Variants in ADAMTS19 observed in about 807,000 individuals in gnomAD.
ADAMTS19 encodes the protein ADAM metallopeptidase with thrombospondin type 1 motif 19, also known as A disintegrin and metalloproteinase with thrombospondin motifs 19.
Under a neutral mutation model 153.3 loss-of-function variants are expected in ADAMTS19, and 93 were observed. That is an observed-to-expected ratio of 0.61 (90% CI 0.51 to 0.72). The LOEUF is 0.72. ADAMTS19 is among the 30% of genes least tolerant of loss of function. ADAMTS19 has a pLI of 0.00. For missense variants in ADAMTS19, 1,482 were observed against 1,552.1 expected, an observed-to-expected ratio of 0.95 and a Z score of 0.76; for synonymous variants, 600 against 556.6, an observed-to-expected ratio of 1.08 and a Z score of -1.10.
In ADAMTS19 at chr5:129,461,860, C is replaced by T. The variant is rs1177217408; in HGVS notation, c.747+103C>T. The T allele has an allele frequency of 1.6e-5, 23 of 1,426,844 alleles. No homozygotes were observed. Among genetic ancestry groups the T allele is most frequent in the Non-Finnish European group, 2.1e-5 (23 of 1,096,626 alleles). The allele number at this position is 1,426,844 out of a possible 1,614,324, so 88.4% of individuals were successfully genotyped here. A position where few individuals can be genotyped will look rare whatever the true frequency, so the allele number is the denominator to read the frequency against. On this transcript the variant is annotated intron_variant, in intron 2 of 22. Coordinates refer to ENST00000274487, the MANE Select transcript of ADAMTS19 (RefSeq NM_133638.6). The surrounding 1 kb of genome is among the most constrained non-coding windows in gnomAD (Gnocchi z 4.6). The stretch of plus-strand genomic sequence containing the variant: ...GCACCTTCTCCCCTTTCAGTGTGCT[C>T]CTTTTGAGCTTGGCCCTAGACTGCA...
rs776020599 is a variant in ADAMTS19 at position 129,737,180 on chromosome 5, A to G, written c.3604A>G (p.Arg1202Gly). ...RWYQRCCETC[R>G]DFYAQKLQQK... ...GTATCAGCGCTGCTGTGAAACATGCAGGGACTTCTATGCCCAAAAGCTGCA... is the reference window on the plus strand; with the variant it reads ...GTATCAGCGCTGCTGTGAAACATGCGGGGACTTCTATGCCCAAAAGCTGCA... Residue 1202 changes from arginine to glycine, a missense_variant, in exon 23 of 23, where the codon AGG (arginine) becomes GGG (glycine). Arg to Gly is a moderately radical substitution (Grantham distance 125). Transcript: ENST00000274487. 1.2e-6 allele frequency: 2 copies of G among 1,609,226 alleles called. No homozygotes were observed. The highest frequency in any genetic ancestry group is 1.7e-6 in the Non-Finnish European group (2 of 1,176,890).
intron 16 of ADAMTS19, among the ~76,000 whole-genome samples, chr5:129,667,704 A>G (rs1394636448): frequency 6.6e-6 from 1 of 152,120 alleles, no homozygotes; most frequent in Non-Finnish European, 1.5e-5. Flanking sequence ...AGCCAAGCAG[A>G]TGGCAGCACC....
chr5:129,565,261 C>T lies in ADAMTS19; in HGVS notation c.1372+13354C>T, dbSNP rs376563314. ...GCTGATTCTATACCATTTCTCTTAA[C>T]TTTGTTTTCATTTAATCCAGATGGC... On this transcript the variant is annotated intron_variant, in intron 7 of 22. Transcript: ENST00000274487. 4.6e-5 allele frequency among the ~76,000 whole-genome samples: 7 copies of T among 152,246 alleles called. No individual in the cohort carries two copies. In the East Asian group the frequency reaches 5.8e-4, roughly 13 times the overall value.
chr5:129,468,499 G>A (rs1433772110), intron 2 of ADAMTS19, among the ~76,000 whole-genome samples: 7 of 151,908 alleles, frequency 4.6e-5, no homozygotes, highest in Admixed American at 6.6e-5. Flanking sequence ...GACTACAGGC[G>A]CGCACCACCA....
At chr5:129,716,041 GA>G (rs112535601) in intron 21 of ADAMTS19, among the ~76,000 whole-genome samples, 36 of 147,548 alleles carry the variant, frequency 2.4e-4, no homozygotes, top group East Asian at 1.2e-3. Context: ...ATGAGAAACA[GA>G]AAAAAAAAAG....
At chr5:129,718,020 A>C (rs1439242035) in intron 21 of ADAMTS19, among the ~76,000 whole-genome samples, 1 of 152,208 alleles carries the variant, frequency 6.6e-6, no homozygotes, top group Non-Finnish European at 1.5e-5. Flanking sequence ...AATAAAATAG[A>C]AATGTCTTGA....
At chr5:129,684,344 C>T (rs1320169098) in intron 18 of ADAMTS19, 71 bp downstream of exon 18, 12 of 1,536,726 alleles carry the variant, frequency 7.8e-6, no homozygotes, top group Admixed American at 2.1e-5. Context: ...ATAATTAAGA[C>T]ATATCCAAAA....
intron 8 of ADAMTS19, among the ~76,000 whole-genome samples, chr5:129,608,537 A>G (rs962169812): frequency 5.9e-5 from 9 of 152,060 alleles, no homozygotes; most frequent in African/African-American, 1.9e-4. Context: ...TAAATTTGGC[A>G]CTCATTTGCA....
chr5:129,512,396 C>G (rs563591573), intron 3 of ADAMTS19, among the ~76,000 whole-genome samples: 6 of 152,000 alleles, frequency 3.9e-5, no homozygotes, highest in African/African-American at 1.4e-4. Context: ...TGGAAGTGTA[C>G]GGTATCAACT....
chr5:129,725,178 T>TA (rs533114139), intron 21 of ADAMTS19, among the ~76,000 whole-genome samples: 2 of 152,158 alleles, frequency 1.3e-5, no homozygotes, highest in African/African-American at 4.8e-5. Context: ...AAAAATGTAT[T>TA]AAAAAACTTT....
chr5:129,720,734 T>C (rs1327717760), intron 21 of ADAMTS19, among the ~76,000 whole-genome samples: 2 of 152,074 alleles, frequency 1.3e-5, no homozygotes, highest in Non-Finnish European at 2.9e-5. Flanking sequence ...AAAGAATGAG[T>C]GTCTGCTCTC....
intron 6 of ADAMTS19, among the ~76,000 whole-genome samples, chr5:129,542,257 A>G (rs1367050455): frequency 6.6e-6 from 1 of 152,166 alleles, no homozygotes; most frequent in Admixed American, 6.6e-5. Flanking sequence ...TTACTATATT[A>G]TCTCTTTTCC....
chr5:129,554,428 T>C (rs957381511), intron 7 of ADAMTS19, among the ~76,000 whole-genome samples: 16 of 152,124 alleles, frequency 1.1e-4, no homozygotes, highest in African/African-American at 3.9e-4. Flanking sequence ...TTGAGACATA[T>C]GATCTATTCC....
intron 7 of ADAMTS19, 35 bp downstream of exon 7, chr5:129,551,942 G>A (rs1246184464): frequency 6.8e-7 from 1 of 1,460,012 alleles, no homozygotes; most frequent in Non-Finnish European, 9.3e-7. Flanking sequence ...TTGGAGTTCT[G>A]GAGAACTTGA....
chr5:129,552,007 A>C (rs1581075976), intron 7 of ADAMTS19, 100 bp downstream of exon 7: 1 of 727,358 alleles, frequency 1.4e-6, no homozygotes, highest in Non-Finnish European at 2.2e-6. Context: ...ATAAAGGAAT[A>C]ACTTCAAAAT....
rs980147496 is a variant in ADAMTS19, at chr5:129,666,829, A to G, written c.2506+1250A>G. Among the ~76,000 whole-genome samples, 4 of 152,182 alleles carry G rather than the reference A, an allele frequency of 2.6e-5. No individual in the cohort carries two copies. In the South Asian group the frequency reaches 8.3e-4, roughly 31 times the overall value. The stretch of plus-strand genomic sequence containing the variant: ...TCAATACATTCATTCAATAGCAGAC[A>G]AGTTGTTATTACACTTGCATGTATG... On this transcript the variant is annotated intron_variant, in intron 16 of 22. Transcript: ENST00000274487.
At chr5:129,601,369 A>T (rs1314564267) in intron 8 of ADAMTS19, among the ~76,000 whole-genome samples, 1 of 152,060 alleles carries the variant, frequency 6.6e-6, no homozygotes, top group Non-Finnish European at 1.5e-5. Flanking sequence ...ATATATGCAC[A>T]TATTTATTAT....
chr5:129,571,859 TA>T (rs1753921998), intron 7 of ADAMTS19, among the ~76,000 whole-genome samples: 1 of 151,822 alleles, frequency 6.6e-6, no homozygotes, highest in East Asian at 1.9e-4. Flanking sequence ...TCCACACAAA[TA>T]GGGGCCAATT....
At chr5:129,522,328 CACACATATATAT>C (rs1751846916) in intron 3 of ADAMTS19, among the ~76,000 whole-genome samples, 2 of 88,200 alleles carry the variant, frequency 2.3e-5, no homozygotes, top group African/African-American at 1.2e-4. Flanking sequence ...CACACACACA[CACACATATATAT>C]ATATATATAT....
Sources: gnomAD v4.1 joint callset for allele counts (sites outside exome capture counted in the v4.1 genomes callset) on GRCh38, gnomAD v4.1.1 for gene constraint, Gnocchi (gnomAD v3.1) non-coding constraint, MANE v1.5 for transcripts, NCBI Gene and HGNC (gene_info 2026-07-23, HGNC 2026-07-21) for gene names.